SP1: variants seen among roughly 807,000 people sequenced by gnomAD.
SP1 encodes the protein transcription factor Sp1.
Under a neutral mutation model 66.3 loss-of-function variants are expected in SP1, and 6 were observed. That is an observed-to-expected ratio of 0.09 (90% confidence interval 0.05 to 0.18). SP1 has a LOEUF of 0.18. Among genes scored for constraint, SP1 ranks in the 10% least tolerant of loss-of-function variants. SP1 has a pLI of 1.00. For missense variants in SP1, 848 were observed against 964.5 expected (o/e 0.88, Z 1.60); for synonymous variants, 417 against 360.8 (o/e 1.16, Z -1.77).
Position 53,383,247 on chromosome 12 carries a change from A to T in SP1, c.1300A>T (p.Thr434Ser), listed in dbSNP as rs750129438. The change falls in exon 3 of 6, where the codon ACC becomes TCC. Residue 434 changes from threonine (T) to serine (S), a missense_variant. Thr to Ser is a moderately conservative substitution (Grantham distance 58, BLOSUM62 1). This residue lies in a region of SP1 where 606 missense variants were observed against 589.9 expected (regional missense o/e 1.03). Transcript: ENST00000327443. Reference protein sequence around the residue: ...TFTTQAISQETLQNLQLQAVP... With the variant: ...TFTTQAISQESLQNLQLQAVP... ...TACAACTCAAGCCATCTCCCAGGAA[A>T]CCCTCCAGAACCTCCAGCTTCAGGC... 2 of 1,614,058 alleles carry T rather than the reference A, an allele frequency of 1.2e-6. No individual in the cohort carries two copies. Among genetic ancestry groups the T allele is most frequent in the Admixed American group, 3.3e-5 (2 of 60,004 alleles).
At chr12:53,392,242 G>A (rs1241400239) in intron 3 of SP1, among the ~76,000 whole-genome samples, 7 of 151,856 alleles carry the variant, frequency 4.6e-5, no homozygotes, top group African/African-American at 1.5e-4. Context: ...GTGCAGTGGC[G>A]TGATCTCGGC....
In SP1 at chr12:53,393,169, A is replaced by C. The variant is rs181392088; in HGVS notation, c.1675+9547A>C. On this transcript the variant is annotated intron_variant, in intron 3 of 5. Coordinates refer to ENST00000327443, the MANE Select transcript of SP1 (RefSeq NM_138473.3). The stretch of plus-strand genomic sequence containing the variant: ...AATACCTAGATCAAGACAAAGACTT[A>C]GGCAGGTAGTGGCTCAAGTCTGTAA... Among the ~76,000 whole-genome samples, 3 of 152,188 alleles carry C rather than the reference A, an allele frequency of 2.0e-5. No individual in the cohort carries two copies. In the East Asian group the frequency reaches 5.8e-4, roughly 30 times the overall value.
Position 53,394,573 on chromosome 12 carries a change from T to C in SP1, c.1675+10951T>C, listed in dbSNP as rs1265855880. 2.1e-5 allele frequency among the ~76,000 whole-genome samples: 3 copies of C among 144,266 alleles called. No individual in the cohort carries two copies. The Admixed American group carries it at 2.1e-4, about 10-fold the overall frequency. The allele number at this position is 144,266 out of a possible 152,430, so 94.6% of individuals were successfully genotyped here. ...ATCGGCCACTGTGCTGCGTGGTCTT[T>C]TCTTTTCTTCTTTTTTTTTTTTGGA... On this transcript the variant is annotated intron_variant, in intron 3 of 5. Coordinates refer to ENST00000327443, the MANE Select transcript of SP1 (RefSeq NM_138473.3).
intron 1 of SP1, 42 bp downstream of exon 1, chr12:53,380,340 T>G: frequency 1.4e-6 from 2 of 1,380,796 alleles, no homozygotes; most frequent in Non-Finnish European, 9.5e-7. Flanking sequence ...GGGAGGCGAG[T>G]GAGGGGGCGC....
chr12:53,388,895 G>A (rs1187651143), intron 3 of SP1, among the ~76,000 whole-genome samples: 1 of 151,462 alleles, frequency 6.6e-6, no homozygotes, highest in Non-Finnish European at 1.5e-5. Context: ...TGGGAGGATT[G>A]CCTGAGCCCG....
At chr12:53,408,758 T>C (rs1034701135) in intron 4 of SP1, among the ~76,000 whole-genome samples, 25 of 151,318 alleles carry the variant, frequency 1.7e-4, no homozygotes, top group African/African-American at 5.8e-4. Flanking sequence ...TACAAAAAAT[T>C]AGCCGGGTGT....
intron 3 of SP1, among the ~76,000 whole-genome samples, chr12:53,400,835 C>T (rs1938594070): frequency 1.3e-5 from 2 of 148,354 alleles, no homozygotes; most frequent in South Asian, 4.2e-4. Context: ...AATCTCAGCT[C>T]ACTGCAAGCT....
At chr12:53,401,393 T>C (rs1417492352) in intron 3 of SP1, among the ~76,000 whole-genome samples, 1 of 148,860 alleles carries the variant, frequency 6.7e-6, no homozygotes, top group East Asian at 2.0e-4. Context: ...GGAGGTTGCA[T>C]TGAGCCAAGA....
rs916234468 is a variant in SP1 at position 53,414,673 on chromosome 12, A to G, written c.*3433A>G. 3.3e-5 allele frequency: 5 copies of G among 152,604 alleles called. No individual in the cohort carries two copies. Among genetic ancestry groups the G allele is most frequent in the Admixed American group, 3.3e-4 (5 of 15,264 alleles). 9.5% of individuals were successfully genotyped at this position (152,604 alleles called of 1,614,324 possible). ...AAGCACTATGAACTACAGGTGTTTG[A>G]CTTTCAAAATATATTTTGTATTGTT... On this transcript the variant is annotated 3_prime_UTR_variant, in exon 6 of 6. Transcript: ENST00000327443.
rs752709709 is a variant in SP1 at position 53,411,135 on chromosome 12, G to A, written c.2253G>A (p.Met751Ile). The change falls in exon 6 of 6, where the codon ATG becomes ATA. Residue 751 changes from methionine to isoleucine, a missense_variant. By Grantham distance (10) the Met-to-Ile change is conservative. Transcript: ENST00000327443. Reference sequence around the variant, plus strand: ...TTATTACCACCAATATGGTAGCCATGGAGGCCATCTGTCCAGAGGGCATTG... The same window carrying A: ...TTATTACCACCAATATGGTAGCCATAGAGGCCATCTGTCCAGAGGGCATTG... ...SALITTNMVAMEAICPEGIAR... is the reference protein window; with the variant it reads ...SALITTNMVAIEAICPEGIAR... 6.2e-7 allele frequency: 1 copy of A among 1,614,140 alleles called. No homozygotes were observed. The highest frequency in any genetic ancestry group is 1.1e-5 in the South Asian group (1 of 91,084).
In SP1 at chr12:53,416,167, A is replaced by G. The variant is rs1938992641; in HGVS notation, c.*4927A>G. 6.5e-6 allele frequency: 1 copy of G among 153,074 alleles called. No homozygotes were observed. The highest frequency in any genetic ancestry group is 1.5e-5 in the Non-Finnish European group (1 of 68,390). 9.5% of individuals were successfully genotyped at this position (153,074 alleles called of 1,614,324 possible). On this transcript the variant is annotated 3_prime_UTR_variant, in exon 6 of 6. Coordinates refer to ENST00000327443, the MANE Select transcript of SP1 (RefSeq NM_138473.3). ...CTGTGTTTGTTTTGATTCCAATCCA[A>G]TTATCACCAGGGCTGTGTGGGTAAA...
intron 3 of SP1, among the ~76,000 whole-genome samples, chr12:53,393,040 G>T (rs1054705797): frequency 6.6e-6 from 1 of 150,548 alleles, no homozygotes; most frequent in Non-Finnish European, 1.5e-5. Context: ...TGGTCACCAG[G>T]TCTTGAACTC....
chr12:53,405,679 AAAAG>A (rs1009984803), intron 3 of SP1, among the ~76,000 whole-genome samples: 7 of 149,030 alleles, frequency 4.7e-5, no homozygotes, highest in Non-Finnish European at 7.4e-5. Flanking sequence ...GAAAGGAAAG[AAAAG>A]AGAGAGAGAG....
intron 3 of SP1, among the ~76,000 whole-genome samples, chr12:53,401,741 T>C (rs1938615177): frequency 6.6e-6 from 1 of 152,150 alleles, no homozygotes; most frequent in Admixed American, 6.6e-5. Flanking sequence ...TGATCTTGGC[T>C]CCCTGCAACC....
rs767312469 is a variant in SP1, at chr12:53,409,350, C to G, written c.1845-12C>G. 4 of 1,610,470 alleles carry G rather than the reference C, an allele frequency of 2.5e-6. No individual in the cohort carries two copies. Among genetic ancestry groups the G allele is most frequent in the Non-Finnish European group, 3.4e-6 (4 of 1,177,936 alleles). ...TAGAATGAATGATTAACAGTTGTGT[C>G]CTCACTTTCAGGGGCTCGGGGGATC... On this transcript the variant is annotated splice_polypyrimidine_tract_variant and intron_variant, in intron 4 of 5. Coordinates refer to ENST00000327443, the MANE Select transcript of SP1 (RefSeq NM_138473.3).
At chr12:53,407,250 G>A (rs11170542) in intron 4 of SP1, among the ~76,000 whole-genome samples, 12 of 151,442 alleles carry the variant, frequency 7.9e-5, no homozygotes, top group South Asian at 2.1e-4. Flanking sequence ...GCAAGAAAGC[G>A]AGAGCCGATC....
intron 3 of SP1, among the ~76,000 whole-genome samples, chr12:53,384,485 A>T (rs575284280): frequency 1.3e-5 from 2 of 151,404 alleles, no homozygotes; most frequent in Admixed American, 6.6e-5. Context: ...AGGTTTTGCT[A>T]TGTTGGCCAG....
At chr12:53,400,339 T>TTAG (rs1455996638) in intron 3 of SP1, among the ~76,000 whole-genome samples, 4 of 152,242 alleles carry the variant, frequency 2.6e-5, no homozygotes, top group African/African-American at 9.6e-5. Context: ...GTAGCATGTG[T>TTAG]TAGTACTCTT....
chr12:53,400,708 C>T (rs1028278326), intron 3 of SP1, among the ~76,000 whole-genome samples: 5 of 151,514 alleles, frequency 3.3e-5, no homozygotes, highest in Admixed American at 3.3e-4. Context: ...CCTGTCTCAG[C>T]CTCCGGAGTA....
Sources: gnomAD v4.1 joint callset for allele counts (sites outside exome capture counted in the v4.1 genomes callset) on GRCh38, gnomAD v4.1.1 for gene constraint, gnomAD v4.1.1 regional missense constraint, MANE v1.5 for transcripts, NCBI Gene and HGNC (gene_info 2026-07-23, HGNC 2026-07-21) for gene names.